Variants in SLC35F1 observed in about 807,000 individuals in gnomAD.
SLC35F1 encodes the protein solute carrier family 35 member F1.
In SLC35F1, 14 loss-of-function variants were observed where a neutral mutation model predicts 48.7. The ratio of observed to expected loss-of-function variants is 0.29; its 90% CI spans 0.19 to 0.45. SLC35F1 has a LOEUF of 0.45. SLC35F1 is among the 20% of genes least tolerant of loss of function. SLC35F1 has a pLI of 1.00. For synonymous variants in SLC35F1, 190 were observed against 202.2 expected (o/e 0.94, Z 0.51); for missense variants, 404 against 500.0 (o/e 0.81, Z 1.83).
intron 2 of SLC35F1, among the ~76,000 whole-genome samples, chr6:118,179,275 C>G (rs964460710): frequency 6.6e-4 from 100 of 152,182 alleles, no homozygotes; most frequent in African/African-American, 2.3e-3. Context: ...ACTAGGAAAG[C>G]CAGTGATGTA....
intron 2 of SLC35F1, among the ~76,000 whole-genome samples, chr6:118,234,431 G>T (rs1335498478): frequency 6.6e-6 from 1 of 152,096 alleles, no homozygotes; most frequent in African/African-American, 2.4e-5. Flanking sequence ...CTGTACAAAG[G>T]TCCTTGGGGT....
chr6:118,203,129 T>C (rs933778540), intron 2 of SLC35F1, among the ~76,000 whole-genome samples: 1 of 152,200 alleles, frequency 6.6e-6, no homozygotes, highest in African/African-American at 2.4e-5. Flanking sequence ...AATGACTGAG[T>C]TGAGAGTTTC....
At chr6:118,248,928 C>T (rs116729262) in intron 3 of SLC35F1, among the ~76,000 whole-genome samples, 1 of 152,100 alleles carries the variant, frequency 6.6e-6, no homozygotes, top group Admixed American at 6.5e-5. Context: ...GAGGGTGGAG[C>T]CATCCTGAAT....
rs116590770 is a variant in SLC35F1 at position 118,086,839 on chromosome 6, C to A, written c.174-67606C>A. 6.6e-3 allele frequency among the ~76,000 whole-genome samples: 1,003 copies of A among 152,298 alleles called. 9 individuals are homozygous for A. The highest frequency in any genetic ancestry group is 0.024 in the African/African-American group (977 of 41,564). ...ATACAGGCTCACTGGGAGGCTTGCC[C>A]ATGCAGCTCCTTTGGAACCTCCTTC... On this transcript the variant is annotated intron_variant, in intron 1 of 7. Transcript: ENST00000360388.
intron 2 of SLC35F1, among the ~76,000 whole-genome samples, chr6:118,228,948 T>C (rs1000022040): frequency 6.6e-6 from 1 of 151,166 alleles, no homozygotes; most frequent in African/African-American, 2.4e-5. Flanking sequence ...TAACGCAGCT[T>C]CTTGTCCCCT....
chr6:118,115,364 A>G (rs955179847), intron 1 of SLC35F1, among the ~76,000 whole-genome samples: 1 of 152,208 alleles, frequency 6.6e-6, no homozygotes, highest in Admixed American at 6.5e-5. Context: ...GGAAATAACA[A>G]TACCAGCAAG....
intron 1 of SLC35F1, among the ~76,000 whole-genome samples, chr6:118,080,097 C>A (rs369806319): frequency 1.3e-5 from 2 of 152,310 alleles, no homozygotes. Context: ...AGCCTCAAAG[C>A]TGAGCTCCAA....
intron 7 of SLC35F1, among the ~76,000 whole-genome samples, chr6:118,300,010 TG>T (rs1316724210): frequency 3.3e-5 from 5 of 152,192 alleles, no homozygotes; most frequent in African/African-American, 1.2e-4. Context: ...TCCAGCACAG[TG>T]AATATTCAAC....
intron 1 of SLC35F1, among the ~76,000 whole-genome samples, chr6:118,031,004 G>C (rs1052163147): frequency 6.6e-6 from 1 of 152,048 alleles, no homozygotes; most frequent in Non-Finnish European, 1.5e-5. Flanking sequence ...CAGCAAGCCT[G>C]AGTGGAAAAT....
intron 2 of SLC35F1, among the ~76,000 whole-genome samples, chr6:118,197,444 G>GA (rs1399046691): frequency 6.6e-6 from 1 of 152,158 alleles, no homozygotes; most frequent in African/African-American, 2.4e-5. Flanking sequence ...ACCTTAATAT[G>GA]AAGTTATTTT....
chr6:118,281,147 C>G (rs1446860280), intron 6 of SLC35F1, among the ~76,000 whole-genome samples: 1 of 149,992 alleles, frequency 6.7e-6, no homozygotes, highest in Non-Finnish European at 1.5e-5. Flanking sequence ...GTAGCATATA[C>G]AGACACATAC....
At position 118,203,291 on chromosome 6, in the gene SLC35F1, A is replaced by T. The variant is rs144616656; in HGVS notation, c.350-32218A>T. 3.0e-3 allele frequency among the ~76,000 whole-genome samples: 460 copies of T among 152,368 alleles called. 4 individuals carry two copies. The highest frequency in any genetic ancestry group is 0.01 in the African/African-American group (431 of 41,584). On this transcript the variant is annotated intron_variant, in intron 2 of 7. Transcript: ENST00000360388. ...ATCTTGAGTGAAGCACAGGCTCCTT[A>T]GAGCAACAGGGTCCTTTTAAGTATT...
chr6:118,313,385 A>G (rs1776393329), intron 7 of SLC35F1, among the ~76,000 whole-genome samples: 2 of 152,230 alleles, frequency 1.3e-5, no homozygotes, highest in South Asian at 4.1e-4. Context: ...TCAAGCAAGT[A>G]GATTAGGAAG....
At chr6:117,969,490 C>T (rs1482103528) in intron 1 of SLC35F1, among the ~76,000 whole-genome samples, 5 of 152,076 alleles carry the variant, frequency 3.3e-5, no homozygotes, top group African/African-American at 7.2e-5. Context: ...AAACCCAGGC[C>T]AAGGAGGTAG....
At chr6:117,945,623 G>A (rs995711680) in intron 1 of SLC35F1, among the ~76,000 whole-genome samples, 4 of 152,120 alleles carry the variant, frequency 2.6e-5, no homozygotes, top group South Asian at 2.1e-4. Context: ...TTCTTTTCCC[G>A]ATTCTCTAGT....
chr6:118,112,595 C>T (rs117802180), intron 1 of SLC35F1, among the ~76,000 whole-genome samples: 1,869 of 152,200 alleles, frequency 0.012, 133 homozygotes, highest in Admixed American at 0.1. Context: ...TGCATCAGGA[C>T]CCCTCTCCTG....
intron 1 of SLC35F1, among the ~76,000 whole-genome samples, chr6:118,107,290 C>T (rs1773339037): frequency 6.6e-6 from 1 of 152,188 alleles, no homozygotes; most frequent in Admixed American, 6.5e-5. Flanking sequence ...TCCCTCTGTC[C>T]AATAACCCTT....
chr6:118,129,079 G>A (rs1365976912), intron 1 of SLC35F1, among the ~76,000 whole-genome samples: 4 of 152,166 alleles, frequency 2.6e-5, no homozygotes, highest in Non-Finnish European at 5.9e-5. Context: ...GCAAGATAAA[G>A]CAATGCACAA....
chr6:118,163,661 GGCAC>G (rs967396764), intron 2 of SLC35F1, among the ~76,000 whole-genome samples: 3 of 152,250 alleles, frequency 2.0e-5, no homozygotes, highest in African/African-American at 7.2e-5. Flanking sequence ...ACTCATTCCT[GGCAC>G]GCAGCTCCAT....
Sources: allele counts gnomAD v4.1 joint callset (sites outside exome capture counted in the v4.1 genomes callset), GRCh38; gene constraint gnomAD v4.1.1; transcripts MANE v1.5; gene names NCBI Gene and HGNC (gene_info 2026-07-23, HGNC 2026-07-21).